The following CS variants were observed in gnomAD, a reference collection of about 807,000 sequenced individuals.
CS encodes citrate synthase.
Under a neutral mutation model 61.4 loss-of-function variants are expected in CS, and 13 were observed. That is an observed-to-expected ratio of 0.21 (90% CI 0.14 to 0.34). The LOEUF is 0.34. Among genes scored for constraint, CS ranks in the 10% least tolerant of loss-of-function variants. The pLI is 1.00. For synonymous variants in CS, 159 were observed against 215.2 expected (o/e 0.74, Z 2.29); for missense variants, 278 against 573.4 (o/e 0.48, Z 5.26).
intron 7 of CS, chr12:56,275,782 C>A: frequency 3.4e-6 from 2 of 581,342 alleles, no homozygotes; most frequent in Non-Finnish European, 6.1e-6. Context: ...GCCAGAAGCA[C>A]CATCTTGTTC....
intron 7 of CS, chr12:56,275,445 C>T (rs1204895288): frequency 6.4e-5 from 19 of 295,246 alleles, no homozygotes; most frequent in Non-Finnish European, 8.5e-5. Flanking sequence ...TGGTGGCACA[C>T]ATCTGTAGTC....
chr12:56,273,625 A>G lies in CS; in HGVS notation c.1192T>C (p.Trp398Arg). 6.2e-7 allele frequency: 1 copy of G among 1,614,094 alleles called. No individual in the cohort carries two copies. The highest frequency in any genetic ancestry group is 8.5e-7 in the Non-Finnish European group (1 of 1,179,976). ...CCACTGTGAGCATCTACATTGGGCC[A>G]AGGATTCTTGGCTTTACCCTGCTCT... ...LLEQGKAKNP[W>R]PNVDAHSGVL... The change falls in exon 10 of 11, where the codon TGG becomes CGG. Residue 398 changes from tryptophan (W) to arginine (R), a missense_variant. Trp to Arg is a moderately radical substitution (Grantham distance 101). Coordinates refer to ENST00000351328, the MANE Select transcript of CS (RefSeq NM_004077.3).
rs1209642338 is a variant in CS, at chr12:56,285,909, C to G, written c.201+7G>C. 4 of 1,609,574 alleles carry G rather than the reference C, an allele frequency of 2.5e-6. No homozygotes were observed. In the Admixed American group the frequency reaches 6.7e-5, roughly 27 times the overall value. On this transcript the variant is annotated splice_region_variant and intron_variant, in intron 3 of 10. Coordinates refer to ENST00000351328, the MANE Select transcript of CS (RefSeq NM_004077.3). ...ACTTTTCCCAGCCAAAGCCACACAA[C>G]CCTTACCATGTCCACAGTGATTTGG...
At chr12:56,278,356 G>A (rs766237368) in intron 6 of CS, among the ~76,000 whole-genome samples, 1 of 152,156 alleles carries the variant, frequency 6.6e-6, no homozygotes, top group East Asian at 1.9e-4. Flanking sequence ...TCAAACTCCT[G>A]ACCTCAGGTT....
Position 56,300,217 on chromosome 12 carries a change from G to T in CS, c.-16C>A. On this transcript the variant is annotated 5_prime_UTR_variant, in exon 1 of 11. Transcript: ENST00000351328. ...GTAAAGCCATGGCGGGCGATCTCCG[G>T]GATCTGGTGGGGAGGTAAGAAAGGG... 5 of 1,557,878 alleles carry T rather than the reference G, an allele frequency of 3.2e-6. No individual in the cohort carries two copies. The highest frequency in any genetic ancestry group is 4.3e-6 in the Non-Finnish European group (5 of 1,153,202).
chr12:56,280,305 C>T (rs916131943), intron 6 of CS, among the ~76,000 whole-genome samples: 1 of 149,858 alleles, frequency 6.7e-6, no homozygotes, highest in Admixed American at 6.7e-5. Flanking sequence ...ATCCTAACTA[C>T]TCGGGAGGCT....
At chr12:56,277,780 C>T (rs979644920) in intron 6 of CS, among the ~76,000 whole-genome samples, 1 of 151,366 alleles carries the variant, frequency 6.6e-6, no homozygotes, top group African/African-American at 2.4e-5. Flanking sequence ...ACAGGATGCA[C>T]CACCATGCCT....
chr12:56,286,568 T>C (rs1872944696), intron 2 of CS, 27 bp downstream of exon 2: 1 of 1,612,026 alleles, frequency 6.2e-7, no homozygotes, highest in Non-Finnish European at 8.5e-7. Context: ...ATGATTCTTA[T>C]TCTTAGTCTT....
chr12:56,282,319 CAG>C (rs1872798799), intron 6 of CS, 99 bp downstream of exon 6: 1 of 966,222 alleles, frequency 1.0e-6, no homozygotes, highest in Non-Finnish European at 1.5e-6. Context: ...CTGATTAACT[CAG>C]AGGTAATTTT....
intron 6 of CS, among the ~76,000 whole-genome samples, chr12:56,278,132 T>C (rs1048234206): frequency 1.3e-5 from 2 of 152,100 alleles, no homozygotes; most frequent in African/African-American, 2.4e-5. Flanking sequence ...TATTAACTCA[T>C]GCCACTTTTA....
chr12:56,274,719 C>A, intron 9 of CS, 58 bp downstream of exon 9: 1 of 1,317,070 alleles, frequency 7.6e-7, no homozygotes, highest in South Asian at 1.5e-5. Flanking sequence ...CTTAATTCTT[C>A]CAAATTGCAG....
At chr12:56,283,119 G>A in intron 4 of CS, 128 bp from the exon 5 acceptor site, 1 of 1,062,340 alleles carries the variant, frequency 9.4e-7, no homozygotes, top group Non-Finnish European at 1.4e-6. Context: ...TTCTGTAGAG[G>A]TGGGGTCTTG....
intron 1 of CS, among the ~76,000 whole-genome samples, chr12:56,286,873 G>C (rs1872955434): frequency 6.6e-6 from 1 of 152,116 alleles, no homozygotes; most frequent in African/African-American, 2.4e-5. Context: ...AGCATTCCTT[G>C]AAGACAGACT....
At chr12:56,286,136 G>T in intron 2 of CS, 113 bp from the exon 3 acceptor site, 1 of 792,118 alleles carries the variant, frequency 1.3e-6, no homozygotes, top group South Asian at 1.5e-5. Context: ...TGCCAGGGAA[G>T]TCTGGTCAAC....
chr12:56,297,964 A>G (rs537562155), intron 1 of CS, among the ~76,000 whole-genome samples: 32 of 152,214 alleles, frequency 2.1e-4, no homozygotes, highest in African/African-American at 7.5e-4. Flanking sequence ...TTTCCAGTCC[A>G]ATAAACTCAT....
At chr12:56,286,427 G>T (rs995436575) in intron 2 of CS, 168 bp downstream of exon 2, 7 of 581,886 alleles carry the variant, frequency 1.2e-5, no homozygotes, top group African/African-American at 5.6e-5. Flanking sequence ...TAAATTATTT[G>T]TTAAATAGTA....
intron 1 of CS, among the ~76,000 whole-genome samples, chr12:56,292,491 T>C (rs1013683051): frequency 6.6e-6 from 1 of 150,756 alleles, no homozygotes; most frequent in Admixed American, 6.6e-5. Context: ...GACACAGCAG[T>C]AGGGTGGATG....
At chr12:56,285,570 G>A (rs763370659) in intron 3 of CS, among the ~76,000 whole-genome samples, 2 of 152,220 alleles carry the variant, frequency 1.3e-5, no homozygotes, top group Non-Finnish European at 2.9e-5. Context: ...TAATAGGCAT[G>A]AGCCATTGCG....
At chr12:56,286,512 G>T (rs970494034) in intron 2 of CS, 83 bp downstream of exon 2, 1 of 1,106,680 alleles carries the variant, frequency 9.0e-7, no homozygotes, top group African/African-American at 1.6e-5. Flanking sequence ...ATAATAAGAG[G>T]CCAGGTGGTT....
Sources: allele counts gnomAD v4.1 joint callset (sites outside exome capture counted in the v4.1 genomes callset), GRCh38; gene constraint gnomAD v4.1.1; transcripts MANE v1.5; gene names NCBI Gene and HGNC (gene_info 2026-07-23, HGNC 2026-07-21).